The following PALM2AKAP2 variants were observed in gnomAD, a reference collection of about 807,000 sequenced individuals.
The protein encoded by PALM2AKAP2 is PALM2 and AKAP2 fusion.
A neutral mutation model predicts 71.5 loss-of-function variants in PALM2AKAP2; 37 were observed. That is an observed-to-expected ratio of 0.52 (90% CI 0.40 to 0.68). The LOEUF (loss-of-function observed/expected upper bound fraction) is 0.68. Ranked by LOEUF, PALM2AKAP2 falls within the 30% of genes least tolerant of loss-of-function variation. PALM2AKAP2 has a pLI of 0.00. For missense variants in PALM2AKAP2, 1,224 were observed against 1,191.8 expected (o/e 1.03, Z -0.40); for synonymous variants, 468 against 478.8 (o/e 0.98, Z 0.29).
chr9:109,768,863 T>C (rs1829207877), intron 1 of PALM2AKAP2, among the ~76,000 whole-genome samples: 1 of 152,226 alleles, frequency 6.6e-6, no homozygotes, highest in Non-Finnish European at 1.5e-5. Context: ...CTCATGCCTA[T>C]AATCCTAGCA....
chr9:109,642,878 A>G (rs969318009), intron 1 of PALM2AKAP2, among the ~76,000 whole-genome samples: 2 of 149,216 alleles, frequency 1.3e-5, no homozygotes, highest in African/African-American at 4.9e-5. Flanking sequence ...AAAGAAATAC[A>G]TGGTGTGGTG....
At chr9:109,751,916 A>C (rs1301118595) in intron 1 of PALM2AKAP2, among the ~76,000 whole-genome samples, 1 of 152,176 alleles carries the variant, frequency 6.6e-6, no homozygotes. Flanking sequence ...GTGGTTGGCC[A>C]TTCAAAGTGT....
intron 6 of PALM2AKAP2, among the ~76,000 whole-genome samples, chr9:109,991,173 A>G (rs1019520167): frequency 2.0e-5 from 3 of 151,602 alleles, no homozygotes; most frequent in Admixed American, 6.6e-5. Flanking sequence ...CATTTTCTCT[A>G]TGTCTCAGTT....
chr9:109,663,184 C>A (rs1298609986), intron 1 of PALM2AKAP2, among the ~76,000 whole-genome samples: 1 of 152,150 alleles, frequency 6.6e-6, no homozygotes, highest in Non-Finnish European at 1.5e-5. Flanking sequence ...GTGTCTCTAT[C>A]TCTTTCAGTT....
chr9:109,926,486 G>T (rs981802471), intron 5 of PALM2AKAP2, among the ~76,000 whole-genome samples: 1 of 152,112 alleles, frequency 6.6e-6, no homozygotes, highest in Admixed American at 6.5e-5. Flanking sequence ...CTGTGCTTTG[G>T]GGGTGGGGCA....
chr9:109,977,071 A>T (rs2132176865), intron 6 of PALM2AKAP2, among the ~76,000 whole-genome samples: 1 of 152,206 alleles, frequency 6.6e-6, no homozygotes, highest in East Asian at 1.9e-4. Context: ...CCACCTTAGA[A>T]TCAGAGATTC....
chr9:109,923,223 G>A (rs569606320), intron 3 of PALM2AKAP2, among the ~76,000 whole-genome samples: 1 of 152,200 alleles, frequency 6.6e-6, no homozygotes, highest in African/African-American at 2.4e-5. Flanking sequence ...CCTTCTTTTT[G>A]GCAGTAGAAT....
intron 3 of PALM2AKAP2, among the ~76,000 whole-genome samples, chr9:109,891,403 A>G (rs1830085063): frequency 6.6e-6 from 1 of 152,068 alleles, no homozygotes; most frequent in Non-Finnish European, 1.5e-5. Context: ...CCCATTATTA[A>G]GTAATGTCAG....
In PALM2AKAP2 at chr9:109,874,622, A is replaced by G. The variant is rs144446856; in HGVS notation, c.127-5929A>G. Among the ~76,000 whole-genome samples the G allele has an allele frequency of 9.1e-3, 1,387 of 152,332 alleles. 9 individuals are homozygous for G. The highest frequency in any genetic ancestry group is 0.016 in the Non-Finnish European group (1,117 of 68,026). On this transcript the variant is annotated intron_variant, in intron 2 of 9. Coordinates refer to the PALM2AKAP2 transcript ENST00000302798. ...GCCAAATTGAGAATCCCAGTCTTCCATGTTCAACTGCTTTTCTGACATGTC... is the reference window on the plus strand; with the variant it reads ...GCCAAATTGAGAATCCCAGTCTTCCGTGTTCAACTGCTTTTCTGACATGTC...
At chr9:110,073,841 A>T (rs1834262685) in intron 1 of PALM2AKAP2, among the ~76,000 whole-genome samples, 1 of 152,180 alleles carries the variant, frequency 6.6e-6, no homozygotes, top group African/African-American at 2.4e-5. Flanking sequence ...TGGAGGCTGA[A>T]TATTGATTGC....
At chr9:109,680,807 G>A (rs922377521) in intron 1 of PALM2AKAP2, among the ~76,000 whole-genome samples, 16 of 152,168 alleles carry the variant, frequency 1.1e-4, no homozygotes, top group African/African-American at 3.9e-4. Flanking sequence ...CAAGGTCACA[G>A]GTACTGCTAA....
At chr9:109,796,318 A>G (rs1323833859) in intron 1 of PALM2AKAP2, among the ~76,000 whole-genome samples, 1 of 152,230 alleles carries the variant, frequency 6.6e-6, no homozygotes, top group African/African-American at 2.4e-5. Flanking sequence ...TGTGATAGAT[A>G]ACATGGGATT....
In PALM2AKAP2 at chr9:109,970,707, A is replaced by G. The variant is rs543644533; in HGVS notation, c.496+38679A>G. On this transcript the variant is annotated intron_variant, in intron 6 of 9. Coordinates refer to the PALM2AKAP2 transcript ENST00000302798. Reference sequence around the variant, plus strand: ...ACAGCCTCAGTTTACTCATCTGTCCAATTAGGATAGTAGTACTATCTCATA... The same window carrying G: ...ACAGCCTCAGTTTACTCATCTGTCCGATTAGGATAGTAGTACTATCTCATA... Among the ~76,000 whole-genome samples, 3 of 152,346 alleles carry G rather than the reference A, an allele frequency of 2.0e-5. No individual in the cohort carries two copies. The East Asian group carries it at 5.8e-4, about 29-fold the overall frequency.
Position 110,159,627 on chromosome 9 carries a change from C to T in PALM2AKAP2, c.2748+3130C>T, listed in dbSNP as rs553786071. On this transcript the variant is annotated intron_variant, in intron 3 of 3. Coordinates refer to ENST00000374525, the Ensembl canonical transcript of PALM2AKAP2. The stretch of plus-strand genomic sequence containing the variant: ...TGTGATATGTTAGACACAATGGTAT[C>T]GAGGAGAGTGAAAGACAGAAGGAGA... 3.3e-5 allele frequency among the ~76,000 whole-genome samples: 5 copies of T among 152,208 alleles called. No individual in the cohort carries two copies. In the South Asian group the frequency reaches 6.2e-4, roughly 19 times the overall value.
chr9:109,925,155 G>T, intron 5 of PALM2AKAP2, 73 bp downstream of exon 5: 1 of 1,599,070 alleles, frequency 6.3e-7, no homozygotes, highest in Non-Finnish European at 8.6e-7. Flanking sequence ...ATTAACAGGG[G>T]CTTAAGGAAG....
chr9:109,867,957 A>G (rs1829501013), intron 2 of PALM2AKAP2, among the ~76,000 whole-genome samples: 1 of 152,166 alleles, frequency 6.6e-6, no homozygotes, highest in Admixed American at 6.5e-5. Context: ...ATTTCACGGA[A>G]CGTTCTTTTT....
rs149672913 is a variant in PALM2AKAP2, at chr9:110,023,305, CTTTTTTTT to C, written c.582+7285_582+7292del. Among the ~76,000 whole-genome samples the C allele has an allele frequency of 6.3e-4, 47 of 74,048 alleles. 1 individual carries two copies. The East Asian group carries it at 9.2e-3, about 15-fold the overall frequency. The allele number at this position is 74,048 out of a possible 152,430, so 48.6% of individuals were successfully genotyped here. ...GTGAGATGGTATCTCATTGTGGTTT[CTTTTTTTT>C]TTTTTTTTTTTTTTTTTTGAGATGG... On this transcript the variant is annotated intron_variant, in intron 7 of 9. Coordinates refer to the PALM2AKAP2 transcript ENST00000302798.
intron 1 of PALM2AKAP2, among the ~76,000 whole-genome samples, chr9:109,774,239 A>T (rs983925436): frequency 6.6e-6 from 1 of 152,204 alleles, no homozygotes; most frequent in South Asian, 2.1e-4. Context: ...TGAGAAACCA[A>T]TGACCTGACT....
chr9:109,742,251 TCACACACACACA>T (rs72323941), intron 1 of PALM2AKAP2, among the ~76,000 whole-genome samples: 6,741 of 145,448 alleles, frequency 0.046, 170 homozygotes, highest in Middle Eastern at 0.074. Flanking sequence ...TGTGATGTAT[TCACACACACACA>T]CACACACACA....
Sources: allele counts gnomAD v4.1 joint callset (sites outside exome capture counted in the v4.1 genomes callset), GRCh38; gene constraint gnomAD v4.1.1; transcripts MANE v1.5; gene names NCBI Gene and HGNC (gene_info 2026-07-23, HGNC 2026-07-21).